The following PMFBP1 variants were observed in gnomAD, a reference collection of about 807,000 sequenced individuals.
PMFBP1 encodes polyamine-modulated factor 1-binding protein 1.
Under a neutral mutation model 137.8 loss-of-function variants are expected in PMFBP1, and 131 were observed. The ratio of observed to expected loss-of-function variants is 0.95; its 90% CI spans 0.82 to 1.10. The LOEUF (loss-of-function observed/expected upper bound fraction) is 1.10. Ranked by LOEUF, PMFBP1 falls within the 50% of genes least tolerant of loss-of-function variation. The pLI, the probability that PMFBP1 is intolerant of heterozygous loss-of-function variation, is 0.00. For synonymous variants in PMFBP1, 490 were observed against 450.4 expected (o/e 1.09, Z -1.11); for missense variants, 1,199 against 1,175.4 (o/e 1.02, Z -0.29).
chr16:72,169,231 T>C (rs183758509), intron 2 of PMFBP1, among the ~76,000 whole-genome samples: 3 of 152,304 alleles, frequency 2.0e-5, no homozygotes, highest in Admixed American at 2.0e-4. Flanking sequence ...ACCACTAATA[T>C]CACAACCATT....
At chr16:72,234,885 G>A in the PMFBP1 span, among the ~76,000 whole-genome samples, 2 of 152,094 alleles carry the variant, frequency 1.3e-5, no homozygotes, top group African/African-American at 4.8e-5. Flanking sequence ...TTTAAAAATT[G>A]AATTACTTGT....
chr16:72,119,777 T>C (rs754630152), intron 20 of PMFBP1, 74 bp downstream of exon 20: 27 of 1,566,336 alleles, frequency 1.7e-5, no homozygotes, highest in Non-Finnish European at 2.2e-5. Context: ...ATTTTCTTCT[T>C]CCTACTTGAA....
chr16:72,198,429 C>G, the PMFBP1 span, among the ~76,000 whole-genome samples: 1 of 152,202 alleles, frequency 6.6e-6, no homozygotes, highest in Non-Finnish European at 1.5e-5. Flanking sequence ...GGGCTACTCA[C>G]CCGCTTTACA....
At chr16:72,197,352 C>G in the PMFBP1 span, among the ~76,000 whole-genome samples, 1 of 152,132 alleles carries the variant, frequency 6.6e-6, no homozygotes, top group Non-Finnish European at 1.5e-5. Context: ...TGTTAGCAAC[C>G]CTGCATCATG....
At chr16:72,223,695 G>T in the PMFBP1 span, among the ~76,000 whole-genome samples, 1 of 152,196 alleles carries the variant, frequency 6.6e-6, no homozygotes, top group African/African-American at 2.4e-5. Context: ...CCCTGAACAG[G>T]AAAAGGACAA....
At chr16:72,200,556 G>T in the PMFBP1 span, among the ~76,000 whole-genome samples, 3 of 152,314 alleles carry the variant, frequency 2.0e-5, no homozygotes, top group East Asian at 5.8e-4. Flanking sequence ...TCCTACAGAG[G>T]AAAGATGGTG....
chr16:72,154,772 G>A (rs745992465), intron 3 of PMFBP1, among the ~76,000 whole-genome samples: 8 of 152,158 alleles, frequency 5.3e-5, no homozygotes, highest in Non-Finnish European at 1.2e-4. Flanking sequence ...ATATGCTGAG[G>A]TGTTGCCTTC....
intron 15 of PMFBP1, 101 bp downstream of exon 15, chr16:72,125,867 T>C (rs1179779284): frequency 1.6e-5 from 23 of 1,417,890 alleles, no homozygotes; most frequent in African/African-American, 1.1e-4. Context: ...GATGGCCCCA[T>C]TGACAGTCAA....
the PMFBP1 span, among the ~76,000 whole-genome samples, chr16:72,183,756 T>C: frequency 2.0e-5 from 3 of 151,952 alleles, no homozygotes; most frequent in East Asian, 1.9e-4. Flanking sequence ...GGGAAAAAAA[T>C]CCTCTCCTGC....
chr16:72,243,625 C>T, the PMFBP1 span, among the ~76,000 whole-genome samples: 1 of 152,130 alleles, frequency 6.6e-6, no homozygotes, highest in African/African-American at 2.4e-5. Flanking sequence ...GTATCAATAA[C>T]TCTGTTCCTT....
At chr16:72,178,094 T>C (rs1268190827), upstream of PMFBP1, among the ~76,000 whole-genome samples, 2 of 152,136 alleles carry the variant, frequency 1.3e-5, no homozygotes, top group Non-Finnish European at 2.9e-5. Flanking sequence ...GTTTTCACCA[T>C]GTTGCCAAGG....
chr16:72,152,297 C>T (rs946174882), intron 4 of PMFBP1, among the ~76,000 whole-genome samples: 2 of 151,958 alleles, frequency 1.3e-5, no homozygotes, highest in Admixed American at 6.6e-5. Flanking sequence ...TGTTATTTGC[C>T]GAGTCCTGTA....
At chr16:72,248,295 T>G in the PMFBP1 span, among the ~76,000 whole-genome samples, 1 of 152,236 alleles carries the variant, frequency 6.6e-6, no homozygotes, top group African/African-American at 2.4e-5. Flanking sequence ...TTTAAATCAG[T>G]GTTCCAGTAA....
At chr16:72,203,327 C>T in the PMFBP1 span, among the ~76,000 whole-genome samples, 844 of 152,358 alleles carry the variant, frequency 5.5e-3, 8 homozygotes, top group African/African-American at 0.018. Context: ...CTTAATCCCC[C>T]ACCACTGGTG....
At chr16:72,243,426 G>C in the PMFBP1 span, among the ~76,000 whole-genome samples, 2 of 152,090 alleles carry the variant, frequency 1.3e-5, no homozygotes, top group African/African-American at 4.8e-5. Flanking sequence ...GGAAAAGAAT[G>C]GCTGTATTTT....
the PMFBP1 span, among the ~76,000 whole-genome samples, chr16:72,213,747 A>T: frequency 6.6e-6 from 1 of 152,248 alleles, no homozygotes; most frequent in Admixed American, 6.5e-5. Flanking sequence ...TAGATAACTA[A>T]TACAAAAAAG....
At chr16:72,235,589 T>A in the PMFBP1 span, among the ~76,000 whole-genome samples, 2 of 152,018 alleles carry the variant, frequency 1.3e-5, no homozygotes, top group African/African-American at 4.8e-5. Flanking sequence ...TTGTGTTGAA[T>A]CTGTAGATCA....
At chr16:72,229,788 G>A in the PMFBP1 span, among the ~76,000 whole-genome samples, 1 of 152,122 alleles carries the variant, frequency 6.6e-6, no homozygotes, top group Non-Finnish European at 1.5e-5. Context: ...TTTGCTATTT[G>A]TGTTTGGGAA....
At chr16:72,117,983 C>T (rs111407343), downstream of PMFBP1, among the ~76,000 whole-genome samples, 121 of 152,302 alleles carry the variant, frequency 7.9e-4, no homozygotes, top group African/African-American at 2.8e-3. Flanking sequence ...ATTAGCTCTC[C>T]ATAACTGACT....
Sources: allele counts gnomAD v4.1 joint callset (sites outside exome capture counted in the v4.1 genomes callset), GRCh38; gene constraint gnomAD v4.1.1; transcripts MANE v1.5; gene names NCBI Gene and HGNC (gene_info 2026-07-23, HGNC 2026-07-21).